Variants in MYO5A observed in about 807,000 individuals in gnomAD.
The protein encoded by MYO5A is myosin VA, also known as unconventional myosin-Va.
In MYO5A, 98 loss-of-function variants were observed where a neutral mutation model predicts 249.7. That is an observed-to-expected ratio of 0.39 (90% CI 0.33 to 0.46). The LOEUF (loss-of-function observed/expected upper bound fraction) is 0.46, where lower values mean the gene tolerates loss of function less well. Ranked by LOEUF, MYO5A falls within the 20% of genes least tolerant of loss-of-function variation. MYO5A has a pLI of 0.98. For missense variants in MYO5A, 1,696 were observed against 2,308.8 expected (o/e 0.73, Z 5.44); for synonymous variants, 778 against 810.6 (o/e 0.96, Z 0.68).
chr15:52,329,317 C>A (rs1223127170), intron 35 of MYO5A, among the ~76,000 whole-genome samples: 1 of 152,250 alleles, frequency 6.6e-6, no homozygotes, highest in Non-Finnish European at 1.5e-5. Flanking sequence ...CAGGAACATT[C>A]CATCAGGTAT....
At position 52,515,158 on chromosome 15, in the gene MYO5A, G is replaced by C. The variant is rs1307601105; in HGVS notation, c.27+13622C>G. Among the ~76,000 whole-genome samples the C allele has an allele frequency of 2.0e-5, 3 of 151,972 alleles. 1 individual carries two copies. The South Asian group carries it at 6.2e-4, about 32-fold the overall frequency. Reference sequence around the variant, plus strand: ...GGTGTGGTGGCATGCAGCTACTATAGTGCCAGCTACTTGGGGGGCTAAGGC... The same window carrying C: ...GGTGTGGTGGCATGCAGCTACTATACTGCCAGCTACTTGGGGGGCTAAGGC... On this transcript the variant is annotated intron_variant, in intron 1 of 41. Transcript: ENST00000399233.
intron 6 of MYO5A, among the ~76,000 whole-genome samples, chr15:52,408,516 C>T (rs2043108078): frequency 6.6e-6 from 1 of 151,956 alleles, no homozygotes; most frequent in Non-Finnish European, 1.5e-5. Context: ...CTTCCAAATG[C>T]TTTGAAAAAA....
In MYO5A at chr15:52,313,297, T is replaced by G. The variant is rs2037843847; in HGVS notation, c.*399A>C. The G allele has an allele frequency of 4.0e-6, 1 of 247,684 alleles. No individual in the cohort carries two copies. Among genetic ancestry groups the G allele is most frequent in the East Asian group, 1.0e-4 (1 of 9,888 alleles). 15.3% of individuals were successfully genotyped at this position (247,684 alleles called of 1,614,324 possible). On this transcript the variant is annotated 3_prime_UTR_variant, in exon 42 of 42. Coordinates refer to ENST00000399233, the MANE Select transcript of MYO5A (RefSeq NM_001382347.1). ...ATTCTCCTGTTTAGTGCAGAGGAGG[T>G]TCTTTGGTGCCTTCCTAACAACAGC...
Position 52,313,857 on chromosome 15 carries a change from A to G in MYO5A, c.5491-9T>C. Reference sequence around the variant, plus strand: ...CTGTCTCGTAAACGCATCTGAGAAGATTAGGAAAAAAAATAAACAGAGCAT... The same window carrying G: ...CTGTCTCGTAAACGCATCTGAGAAGGTTAGGAAAAAAAATAAACAGAGCAT... On this transcript the variant is annotated splice_polypyrimidine_tract_variant and intron_variant, in intron 41 of 41. Coordinates refer to ENST00000399233, the MANE Select transcript of MYO5A (RefSeq NM_001382347.1). 1 of 1,613,746 alleles carries G rather than the reference A, an allele frequency of 6.2e-7. No individual in the cohort carries two copies.
intron 27 of MYO5A, among the ~76,000 whole-genome samples, chr15:52,352,268 G>A (rs1224372757): frequency 6.6e-6 from 1 of 152,214 alleles, no homozygotes; most frequent in Non-Finnish European, 1.5e-5. Context: ...ACCCAGAATA[G>A]AGTGCCACCG....
chr15:52,406,778 T>A (rs567882163), intron 8 of MYO5A, among the ~76,000 whole-genome samples: 93 of 152,130 alleles, frequency 6.1e-4, no homozygotes, highest in African/African-American at 2.1e-3. Flanking sequence ...AGAAAAAAAA[T>A]GCTGGAATAA....
intron 40 of MYO5A, among the ~76,000 whole-genome samples, chr15:52,316,766 T>G (rs2038038837): frequency 6.6e-6 from 1 of 152,234 alleles, no homozygotes; most frequent in East Asian, 1.9e-4. Flanking sequence ...GACTTTGTTT[T>G]GCCTATGGGT....
chr15:52,449,797 C>T (rs1273373677), intron 1 of MYO5A, among the ~76,000 whole-genome samples: 2 of 152,126 alleles, frequency 1.3e-5, no homozygotes, highest in Non-Finnish European at 2.9e-5. Flanking sequence ...TCCAGGAGTT[C>T]AAGATCAGCC....
chr15:52,372,361 T>C lies in MYO5A; in HGVS notation c.2580A>G (p.Ile860Met), dbSNP rs1349507835. The C allele has an allele frequency of 6.2e-7, 1 of 1,601,002 alleles. No individual in the cohort carries two copies. Among genetic ancestry groups the C allele is most frequent in the Non-Finnish European group, 8.5e-7 (1 of 1,179,876 alleles). The change falls in exon 21 of 42, where the codon ATA (isoleucine) becomes ATG (methionine). Residue 860 changes from isoleucine to methionine, a missense_variant and splice_region_variant. Around this residue, in one of 5 missense-constraint regions of MYO5A, gnomAD observed 412 missense variants for 453.3 expected, o/e 0.91. Coordinates refer to ENST00000399233, the MANE Select transcript of MYO5A (RefSeq NM_001382347.1). ...TGATGACTGCTTTGTGCTCACGGAG[T>C]ATCTGCAGAAAAGGATAAGGGCAAG... is the stretch of plus-strand genomic sequence containing the variant. ...GFLARNRYRK[I>M]LREHKAVIIQ...
intron 32 of MYO5A, 30 bp downstream of exon 32, chr15:52,340,166 G>C: frequency 6.2e-7 from 1 of 1,612,788 alleles, no homozygotes; most frequent in Non-Finnish European, 8.5e-7. Context: ...GCTAGGTTAA[G>C]AAGCATGTGG....
chr15:52,316,030 C>G (rs575168736), intron 40 of MYO5A, among the ~76,000 whole-genome samples: 31 of 151,472 alleles, frequency 2.0e-4, no homozygotes, highest in Middle Eastern at 3.4e-3. Context: ...GTCAGGAGAT[C>G]GAGACCATCC....
chr15:52,350,168 G>A (rs536739326), intron 28 of MYO5A, among the ~76,000 whole-genome samples: 3 of 152,258 alleles, frequency 2.0e-5, no homozygotes, highest in Non-Finnish European at 2.9e-5. Context: ...TCCTGACCTC[G>A]TGATCTGCCC....
intron 1 of MYO5A, among the ~76,000 whole-genome samples, chr15:52,524,320 G>A (rs1048463343): frequency 4.6e-5 from 7 of 152,120 alleles, no homozygotes; most frequent in African/African-American, 1.4e-4. Flanking sequence ...TTGAGTGGCC[G>A]AGGCAGGAGA....
At chr15:52,475,111 C>G (rs183399890) in intron 1 of MYO5A, among the ~76,000 whole-genome samples, 82 of 152,210 alleles carry the variant, frequency 5.4e-4, no homozygotes, top group Non-Finnish European at 1.0e-3. Context: ...CTGGTTTAGT[C>G]TTGGGAGGGT....
intron 24 of MYO5A, among the ~76,000 whole-genome samples, chr15:52,362,016 G>T (rs2040554859): frequency 6.6e-6 from 1 of 151,076 alleles, no homozygotes; most frequent in African/African-American, 2.4e-5. Context: ...CATGCCTCAT[G>T]ATCTTTTCAT....
intron 1 of MYO5A, among the ~76,000 whole-genome samples, chr15:52,511,354 C>T (rs904293209): frequency 6.6e-6 from 1 of 152,210 alleles, no homozygotes; most frequent in Admixed American, 6.5e-5. Context: ...CTTTCCAGAT[C>T]GCAGTCTGTC....
At chr15:52,326,370 T>C (rs2038605719) in intron 36 of MYO5A, among the ~76,000 whole-genome samples, 1 of 152,218 alleles carries the variant, frequency 6.6e-6, no homozygotes, top group South Asian at 2.1e-4. Flanking sequence ...CAATATTGCA[T>C]CAACACACTA....
chr15:52,418,430 G>C (rs776213272), intron 4 of MYO5A, among the ~76,000 whole-genome samples: 4 of 152,144 alleles, frequency 2.6e-5, no homozygotes, highest in Non-Finnish European at 5.9e-5. Context: ...AATTGAGAGA[G>C]ACTAGAAAGG....
chr15:52,482,343 A>T (rs1471020337), intron 1 of MYO5A, among the ~76,000 whole-genome samples: 1 of 152,226 alleles, frequency 6.6e-6, no homozygotes, highest in Non-Finnish European at 1.5e-5. Flanking sequence ...TATTCCTGGT[A>T]GTTGTTTTTT....
Sources: gnomAD v4.1 joint callset for allele counts (sites outside exome capture counted in the v4.1 genomes callset) on GRCh38, gnomAD v4.1.1 for gene constraint, gnomAD v4.1.1 regional missense constraint, MANE v1.5 for transcripts, NCBI Gene and HGNC (gene_info 2026-07-23, HGNC 2026-07-21) for gene names.